C10orf67: variants seen among roughly 807,000 people sequenced by gnomAD.
C10orf67 encodes chromosome 10 open reading frame 67, also known as uncharacterized protein C10orf67, mitochondrial.
Under a neutral mutation model 35.6 loss-of-function variants are expected in C10orf67, and 60 were observed. The ratio of observed to expected loss-of-function variants is 1.68; its 90% CI spans 1.37 to 2.09. The LOEUF is 2.09. Ranked by LOEUF, C10orf67 falls within the 30% of genes most tolerant of loss-of-function variation. The pLI, the probability that C10orf67 is intolerant of heterozygous loss-of-function variation, is 0.00. For missense variants in C10orf67, 474 were observed against 330.2 expected, an observed-to-expected ratio of 1.44 and a Z score of -3.38; for synonymous variants, 167 against 115.8, an observed-to-expected ratio of 1.44 and a Z score of -2.84.
intron 1 of C10orf67, among the ~76,000 whole-genome samples, chr10:23,342,840 C>T (rs1419340987): frequency 6.6e-6 from 1 of 152,262 alleles, no homozygotes; most frequent in South Asian, 2.1e-4. Context: ...TGGGCTAGGA[C>T]ACCTGTGGTC....
chr10:23,220,923 C>A (rs537169896), intron 15 of C10orf67, among the ~76,000 whole-genome samples: 2 of 152,262 alleles, frequency 1.3e-5, no homozygotes, highest in African/African-American at 4.8e-5. Context: ...CCATAGGATA[C>A]TTTAAATAAT....
intron 7 of C10orf67, among the ~76,000 whole-genome samples, chr10:23,285,271 G>T (rs1843496824): frequency 6.6e-6 from 1 of 150,936 alleles, no homozygotes; most frequent in Admixed American, 6.6e-5. Flanking sequence ...TCTATGAGAA[G>T]TTCCAGTGCA....
At chr10:23,308,941 C>A (rs989161919) in intron 4 of C10orf67, among the ~76,000 whole-genome samples, 7 of 152,114 alleles carry the variant, frequency 4.6e-5, no homozygotes, top group African/African-American at 7.2e-5. Flanking sequence ...GTCTCCCACC[C>A]ACCCACCTTC....
chr10:23,209,494 C>T (rs1056220970), intron 15 of C10orf67, among the ~76,000 whole-genome samples: 13 of 151,968 alleles, frequency 8.6e-5, no homozygotes, highest in African/African-American at 3.1e-4. Flanking sequence ...CAATACTGTA[C>T]TGTATACTTG....
intron 1 of C10orf67, among the ~76,000 whole-genome samples, chr10:23,337,337 C>A (rs1845727486): frequency 6.6e-6 from 1 of 152,068 alleles, no homozygotes; most frequent in Admixed American, 6.6e-5. Context: ...AGTTCGAGAC[C>A]AGCCTGGCCA....
chr10:23,293,315 G>C (rs535526899), intron 5 of C10orf67, among the ~76,000 whole-genome samples: 1 of 152,302 alleles, frequency 6.6e-6, no homozygotes, highest in South Asian at 2.1e-4. Context: ...TTAACCCTTA[G>C]CTCTGTCCCC....
intron 10 of C10orf67, among the ~76,000 whole-genome samples, chr10:23,256,565 C>T (rs897777369): frequency 6.6e-6 from 1 of 152,148 alleles, no homozygotes; most frequent in African/African-American, 2.4e-5. Context: ...TCAACACAAG[C>T]TTGTAAGAAG....
intron 4 of C10orf67, chr10:23,316,855 TG>T (rs1332724038): frequency 6.6e-6 from 1 of 152,322 alleles, no homozygotes; most frequent in African/African-American, 2.4e-5. Context: ...AGGGTTTTTA[TG>T]GGCTTCAGAG....
At chr10:23,216,220 C>G (rs1401400891) in intron 15 of C10orf67, among the ~76,000 whole-genome samples, 1 of 152,050 alleles carries the variant, frequency 6.6e-6, no homozygotes, top group Non-Finnish European at 1.5e-5. Flanking sequence ...TAGCACCAAG[C>G]AATTCATAGA....
intron 8 of C10orf67, among the ~76,000 whole-genome samples, chr10:23,268,159 G>C (rs918907390): frequency 6.6e-6 from 1 of 152,074 alleles, no homozygotes; most frequent in African/African-American, 2.4e-5. Context: ...CCCAGGTGTG[G>C]TGGTGTGTAC....
chr10:23,214,281 G>C (rs1218199633), intron 15 of C10orf67, among the ~76,000 whole-genome samples: 1 of 151,966 alleles, frequency 6.6e-6, no homozygotes, highest in Non-Finnish European at 1.5e-5. Context: ...TAAATTAGAA[G>C]AATAAAGAAT....
In C10orf67 at chr10:23,282,087, G is replaced by C. The variant is rs936507497; in HGVS notation, c.910-9C>G. The C allele has an allele frequency of 1.3e-5, 7 of 542,346 alleles. No homozygotes were observed. Among genetic ancestry groups the C allele is most frequent in the African/African-American group, 1.2e-4 (6 of 50,166 alleles). 33.6% of individuals were successfully genotyped at this position (542,346 alleles called of 1,614,324 possible). On this transcript the variant is annotated splice_polypyrimidine_tract_variant and intron_variant, in intron 7 of 15. Coordinates refer to ENST00000636213, the MANE Select transcript of C10orf67 (RefSeq NM_001371909.1). ...TCTCTACTATCCATTAACTGAAATA[G>C]AGAAGAAATTATATTTTTATTAAAG...
intron 12 of C10orf67, among the ~76,000 whole-genome samples, chr10:23,249,774 A>C (rs1398733298): frequency 1.3e-5 from 2 of 152,200 alleles, no homozygotes; most frequent in African/African-American, 4.8e-5. Flanking sequence ...TGCCTGGATG[A>C]TGCTTGACTG....
chr10:23,303,785 C>T (rs1354376370), intron 4 of C10orf67, among the ~76,000 whole-genome samples: 2 of 152,186 alleles, frequency 1.3e-5, no homozygotes, highest in Non-Finnish European at 2.9e-5. Context: ...ATTAGGAGAA[C>T]GTCTACTCAA....
At chr10:23,343,986 G>T in intron 1 of C10orf67, 2 of 447,624 alleles carry the variant, frequency 4.5e-6, no homozygotes, top group Non-Finnish European at 9.3e-6. Context: ...CAGGCGAGTC[G>T]CCCCAGTTCG....
At chr10:23,315,432 TTTTGTTTG>T (rs915389619) in intron 4 of C10orf67, among the ~76,000 whole-genome samples, 1 of 152,110 alleles carries the variant, frequency 6.6e-6, no homozygotes, top group African/African-American at 2.4e-5. Context: ...GTTTTTTGTT[TTTTGTTTG>T]TTTGTTTGTT....
chr10:23,225,764 A>G (rs190423047), intron 13 of C10orf67, among the ~76,000 whole-genome samples: 1 of 152,222 alleles, frequency 6.6e-6, no homozygotes, highest in African/African-American at 2.4e-5. Flanking sequence ...AGTTCAAAAA[A>G]GACAAAGCAG....
chr10:23,338,065 G>A (rs1845754377), intron 1 of C10orf67, among the ~76,000 whole-genome samples: 1 of 152,242 alleles, frequency 6.6e-6, no homozygotes, highest in African/African-American at 2.4e-5. Flanking sequence ...TGGATGTCAA[G>A]AATGTCTGGG....
At chr10:23,311,820 T>C (rs1807993281) in intron 4 of C10orf67, among the ~76,000 whole-genome samples, 1 of 152,202 alleles carries the variant, frequency 6.6e-6, no homozygotes. Flanking sequence ...CTCATTAACT[T>C]TCTAAAATAA....
Sources: gnomAD v4.1 joint callset for allele counts (sites outside exome capture counted in the v4.1 genomes callset) on GRCh38, gnomAD v4.1.1 for gene constraint, MANE v1.5 for transcripts, NCBI Gene and HGNC (gene_info 2026-07-23, HGNC 2026-07-21) for gene names.